Variants in KATNA1 observed in about 807,000 individuals in gnomAD.
KATNA1 encodes the protein katanin catalytic subunit A1.
In KATNA1, 42 loss-of-function variants were observed where a neutral mutation model predicts 62.6. The observed-to-expected ratio is 0.67, with a 90% CI of 0.52 to 0.87. The LOEUF is 0.87. Among genes scored for constraint, KATNA1 ranks in the 40% least tolerant of loss-of-function variants. The pLI is 0.00. For missense variants in KATNA1, 498 were observed against 612.5 expected (o/e 0.81, Z 1.97); for synonymous variants, 186 against 201.9 (o/e 0.92, Z 0.67).
chr6:149,626,662 A>C (rs1419291016), intron 3 of KATNA1, among the ~76,000 whole-genome samples: 1 of 151,658 alleles, frequency 6.6e-6, no homozygotes, highest in Non-Finnish European at 1.5e-5. Flanking sequence ...TAAAGCATAC[A>C]GGAGGATGTG....
At chr6:149,602,721 ATTT>A (rs563234607) in intron 6 of KATNA1, among the ~76,000 whole-genome samples, 5 of 140,860 alleles carry the variant, frequency 3.5e-5, no homozygotes, top group Admixed American at 7.2e-5. Flanking sequence ...GTGAATTCTA[ATTT>A]TTTTTTTTTT....
At chr6:149,601,521 T>C (rs555256777) in intron 7 of KATNA1, 73 bp downstream of exon 7, 1 of 1,324,830 alleles carries the variant, frequency 7.5e-7, no homozygotes, top group African/African-American at 1.5e-5. Flanking sequence ...TTCCATATAC[T>C]GGAGATAGTT....
intron 1 of KATNA1, among the ~76,000 whole-genome samples, chr6:149,639,579 C>T (rs1400840781): frequency 6.6e-6 from 1 of 152,052 alleles, no homozygotes; most frequent in African/African-American, 2.4e-5. Context: ...AGCCTGGCAA[C>T]AGCATGAGAC....
At chr6:149,625,410 T>C (rs562326774) in intron 3 of KATNA1, among the ~76,000 whole-genome samples, 10 of 152,196 alleles carry the variant, frequency 6.6e-5, no homozygotes, top group African/African-American at 2.4e-4. Flanking sequence ...GGGTAGATCA[T>C]GTGAGGCCAG....
intron 6 of KATNA1, among the ~76,000 whole-genome samples, chr6:149,601,980 T>C (rs543848879): frequency 1.1e-4 from 17 of 152,278 alleles, no homozygotes; most frequent in African/African-American, 3.9e-4. Flanking sequence ...GAAAAAGTAG[T>C]TTATAATATC....
At chr6:149,648,953 C>T (rs1234536571), upstream of KATNA1, 3 of 152,330 alleles carry the variant, frequency 2.0e-5, no homozygotes, top group Non-Finnish European at 2.9e-5. Flanking sequence ...TCACCACACT[C>T]ACACACACAC....
chr6:149,643,016 T>A (rs769088306), intron 1 of KATNA1, among the ~76,000 whole-genome samples: 2 of 152,242 alleles, frequency 1.3e-5, no homozygotes, highest in Non-Finnish European at 1.5e-5. Flanking sequence ...TAATACCATT[T>A]CCGAGATTAG....
chr6:149,644,165 G>A (rs908879124), intron 1 of KATNA1, among the ~76,000 whole-genome samples: 6 of 151,920 alleles, frequency 3.9e-5, no homozygotes, highest in Non-Finnish European at 8.8e-5. Flanking sequence ...TCTGGGCAAG[G>A]GTGTTAGAAA....
At chr6:149,622,877 C>T (rs1198445674) in intron 4 of KATNA1, among the ~76,000 whole-genome samples, 2 of 151,804 alleles carry the variant, frequency 1.3e-5, no homozygotes, top group African/African-American at 2.4e-5. Context: ...GATGTGGTGG[C>T]GCCCACTTGT....
rs766418898 is a variant in KATNA1 at position 149,599,561 on chromosome 6, CCTCCCCT to C, written c.889-1218_889-1212del. 1.4e-3 allele frequency among the ~76,000 whole-genome samples: 213 copies of C among 147,174 alleles called. 2 individuals carry two copies. The highest frequency in any genetic ancestry group is 3.5e-3 in the Middle Eastern group (1 of 286). ...TTGCAAATCATCCCTTTCTTTCTTT[CCTCCCCT>C]CTCCCCTCTCCCCTCTCCCTCTCTC... On this transcript the variant is annotated intron_variant, in intron 7 of 10. Coordinates refer to ENST00000367411, the MANE Select transcript of KATNA1 (RefSeq NM_007044.4).
chr6:149,647,440 T>A (rs1463211911), intron 1 of KATNA1, among the ~76,000 whole-genome samples: 1 of 146,240 alleles, frequency 6.8e-6, no homozygotes, highest in Non-Finnish European at 1.5e-5. Flanking sequence ...GGGGAATCGC[T>A]TGAACCCGGG....
intron 4 of KATNA1, among the ~76,000 whole-genome samples, chr6:149,618,605 A>G (rs1000263815): frequency 6.6e-6 from 1 of 152,256 alleles, no homozygotes; most frequent in African/African-American, 2.4e-5. Flanking sequence ...CTAGTAACCA[A>G]AACAGCATGG....
At chr6:149,610,512 A>G (rs1778910487) in intron 4 of KATNA1, among the ~76,000 whole-genome samples, 1 of 152,178 alleles carries the variant, frequency 6.6e-6, no homozygotes, top group Non-Finnish European at 1.5e-5. Flanking sequence ...TATATTCTCA[A>G]AGCACAAAAG....
At chr6:149,598,577 G>A (rs74628399) in intron 7 of KATNA1, among the ~76,000 whole-genome samples, 1 of 151,912 alleles carries the variant, frequency 6.6e-6, no homozygotes, top group Non-Finnish European at 1.5e-5. Context: ...TAAAATATTA[G>A]TTGAGTGTGG....
chr6:149,604,843 AAC>A, intron 4 of KATNA1, 61 bp from the exon 5 acceptor site: 9 of 1,537,306 alleles, frequency 5.9e-6, no homozygotes, highest in South Asian at 1.1e-5. Flanking sequence ...GTGAGTCGGA[AAC>A]ACAGATTGGA....
chr6:149,609,047 G>A (rs529665087), intron 4 of KATNA1, among the ~76,000 whole-genome samples: 1 of 152,308 alleles, frequency 6.6e-6, no homozygotes, highest in South Asian at 2.1e-4. Context: ...CAAATTAAAT[G>A]TAAAGAGACA....
At chr6:149,597,286 A>G in intron 9 of KATNA1, 97 bp from the exon 10 acceptor site, 1 of 1,356,518 alleles carries the variant, frequency 7.4e-7, no homozygotes, top group Non-Finnish European at 1.0e-6. Flanking sequence ...GTCTTCCAGT[A>G]AGAATTGGAT....
intron 4 of KATNA1, among the ~76,000 whole-genome samples, chr6:149,617,672 C>T (rs955973978): frequency 4.6e-5 from 7 of 152,116 alleles, no homozygotes; most frequent in African/African-American, 1.4e-4. Flanking sequence ...AGGTGGCTCA[C>T]GCCTGTAATC....
At chr6:149,640,707 C>A (rs1186187763) in intron 1 of KATNA1, among the ~76,000 whole-genome samples, 2 of 151,804 alleles carry the variant, frequency 1.3e-5, no homozygotes, top group Non-Finnish European at 2.9e-5. Flanking sequence ...ATCCACCACG[C>A]CCGGCTAAAT....
Sources: gnomAD v4.1 joint callset for allele counts (sites outside exome capture counted in the v4.1 genomes callset) on GRCh38, gnomAD v4.1.1 for gene constraint, MANE v1.5 for transcripts, NCBI Gene and HGNC (gene_info 2026-07-23, HGNC 2026-07-21) for gene names.